Variants in KCNIP4 observed in about 807,000 individuals in gnomAD.
The protein encoded by KCNIP4 is potassium voltage-gated channel interacting protein 4.
Under a neutral mutation model 34.0 loss-of-function variants are expected in KCNIP4, and 12 were observed. The observed-to-expected ratio is 0.35, with a 90% CI of 0.23 to 0.57. The LOEUF (loss-of-function observed/expected upper bound fraction) is 0.57. Ranked by LOEUF, KCNIP4 falls within the 20% of genes least tolerant of loss-of-function variation. KCNIP4 has a pLI of 0.83. For missense variants in KCNIP4, 238 were observed against 311.7 expected (o/e 0.76, Z 1.78); for synonymous variants, 124 against 102.2 (o/e 1.21, Z -1.29).
intron 1 of KCNIP4, among the ~76,000 whole-genome samples, chr4:21,829,302 T>C (rs1722844583): frequency 6.6e-6 from 1 of 152,020 alleles, no homozygotes; most frequent in African/African-American, 2.4e-5. Context: ...AGAAACCATC[T>C]GTAGAGAGAA....
At chr4:21,242,272 T>C (rs765936484) in intron 1 of KCNIP4, among the ~76,000 whole-genome samples, 1 of 150,364 alleles carries the variant, frequency 6.7e-6, no homozygotes, top group Non-Finnish European at 1.5e-5. Context: ...ATACTATACA[T>C]CGATAACCCA....
At chr4:21,286,288 C>T (rs1763117585) in intron 1 of KCNIP4, among the ~76,000 whole-genome samples, 1 of 152,142 alleles carries the variant, frequency 6.6e-6, no homozygotes. Context: ...TGGATACCTG[C>T]CTATGATAAG....
intron 1 of KCNIP4, among the ~76,000 whole-genome samples, chr4:21,784,774 T>C (rs1719792541): frequency 6.6e-6 from 1 of 152,194 alleles, no homozygotes; most frequent in East Asian, 1.9e-4. Flanking sequence ...TCACACAGCA[T>C]TTTTATTTAT....
At chr4:20,785,015 C>G (rs1486108759) in intron 3 of KCNIP4, among the ~76,000 whole-genome samples, 2 of 152,126 alleles carry the variant, frequency 1.3e-5, no homozygotes, top group African/African-American at 4.8e-5. Flanking sequence ...TCCCCTAACC[C>G]CACCCCAGAA....
At chr4:20,753,536 C>T (rs1754000735) in intron 4 of KCNIP4, among the ~76,000 whole-genome samples, 1 of 152,104 alleles carries the variant, frequency 6.6e-6, no homozygotes, top group South Asian at 2.1e-4. Flanking sequence ...ATTATCATGC[C>T]CCAGGTTTGT....
rs528123961 is a variant in KCNIP4, at chr4:21,320,964, T to TAAA, written c.62-438258_62-438256dup. 4.1e-3 allele frequency among the ~76,000 whole-genome samples: 426 copies of TAAA among 102,896 alleles called. 14 individuals carry two copies. Among genetic ancestry groups the TAAA allele is most frequent in the African/African-American group, 0.012 (268 of 21,800 alleles). The allele number at this position is 102,896 out of a possible 152,430, so 67.5% of individuals were successfully genotyped here. On this transcript the variant is annotated intron_variant, in intron 1 of 8. Transcript: ENST00000382152. ...TGGGCAATAGAGCAAGAATCTGTCT[T>TAAA]AAAAAAAAAAAAAAAAAAGAGGAAA... is the stretch of plus-strand genomic sequence containing the variant.
intron 2 of KCNIP4, among the ~76,000 whole-genome samples, chr4:20,872,228 G>A (rs1723549102): frequency 6.6e-6 from 1 of 152,126 alleles, no homozygotes; most frequent in African/African-American, 2.4e-5. Context: ...CTATGGGATT[G>A]TTTTTCTCCC....
chr4:21,023,090 T>C (rs1247792952), intron 1 of KCNIP4, among the ~76,000 whole-genome samples: 1 of 152,194 alleles, frequency 6.6e-6, no homozygotes, highest in East Asian at 1.9e-4. Context: ...CCCAAAGTGC[T>C]GGGATAAGTT....
At chr4:21,496,997 G>A (rs1364245325) in intron 1 of KCNIP4, among the ~76,000 whole-genome samples, 1 of 152,128 alleles carries the variant, frequency 6.6e-6, no homozygotes, top group African/African-American at 2.4e-5. Context: ...CTCTCTAAGG[G>A]GCATGTGGAG....
intron 1 of KCNIP4, among the ~76,000 whole-genome samples, chr4:21,666,741 C>G (rs1045598497): frequency 7.2e-5 from 11 of 152,110 alleles, no homozygotes; most frequent in Non-Finnish European, 1.5e-4. Flanking sequence ...CCAAAGCTGT[C>G]TTTTATATGA....
At chr4:21,911,287 A>G (rs905872734) in intron 1 of KCNIP4, among the ~76,000 whole-genome samples, 2 of 152,164 alleles carry the variant, frequency 1.3e-5, no homozygotes, top group African/African-American at 4.8e-5. Context: ...ATTAGACAAG[A>G]TACAAGTTTT....
chr4:21,796,327 T>C (rs1433827323), intron 1 of KCNIP4, among the ~76,000 whole-genome samples: 1 of 152,078 alleles, frequency 6.6e-6, no homozygotes, highest in Admixed American at 6.5e-5. Context: ...CTTTCTCCCC[T>C]CCCTGTAAGT....
chr4:21,446,514 C>G (rs904298254), intron 1 of KCNIP4, among the ~76,000 whole-genome samples: 1 of 151,366 alleles, frequency 6.6e-6, no homozygotes, highest in Non-Finnish European at 1.5e-5. Flanking sequence ...TCTCAGCAAA[C>G]TATCGCAAGC....
At chr4:21,503,328 G>T (rs1417004628) in intron 1 of KCNIP4, among the ~76,000 whole-genome samples, 2 of 152,100 alleles carry the variant, frequency 1.3e-5, no homozygotes, top group East Asian at 1.9e-4. Context: ...GGGAGGTAAA[G>T]GTGGAAAGAG....
chr4:21,236,628 A>G (rs1272492743), intron 1 of KCNIP4, among the ~76,000 whole-genome samples: 3 of 152,186 alleles, frequency 2.0e-5, no homozygotes, highest in Non-Finnish European at 4.4e-5. Context: ...TATATCTGGT[A>G]CTAAAAATCA....
At chr4:20,974,376 A>G (rs1005176452) in intron 1 of KCNIP4, among the ~76,000 whole-genome samples, 1 of 152,142 alleles carries the variant, frequency 6.6e-6, no homozygotes, top group African/African-American at 2.4e-5. Context: ...GGAGTAACTG[A>G]ATTCAGATTA....
chr4:21,684,019 A>G (rs1373720553), intron 1 of KCNIP4, among the ~76,000 whole-genome samples: 2 of 151,752 alleles, frequency 1.3e-5, no homozygotes, highest in Non-Finnish European at 2.9e-5. Context: ...AAAAATAACT[A>G]TTGGGTACTA....
At chr4:21,348,166 G>T (rs1314746770) in intron 1 of KCNIP4, among the ~76,000 whole-genome samples, 1 of 152,114 alleles carries the variant, frequency 6.6e-6, no homozygotes, top group African/African-American at 2.4e-5. Flanking sequence ...CTGGTATATC[G>T]ATTTTTTTCC....
chr4:20,922,849 T>C (rs144245009), intron 1 of KCNIP4, among the ~76,000 whole-genome samples: 104 of 152,290 alleles, frequency 6.8e-4, no homozygotes, highest in African/African-American at 2.1e-3. Flanking sequence ...ATATTGTTTA[T>C]AGAATTTATT....
Sources: gnomAD v4.1 joint callset for allele counts (sites outside exome capture counted in the v4.1 genomes callset) on GRCh38, gnomAD v4.1.1 for gene constraint, MANE v1.5 for transcripts, NCBI Gene and HGNC (gene_info 2026-07-23, HGNC 2026-07-21) for gene names.